The following LPIN1 variants were observed in gnomAD, a reference collection of about 807,000 sequenced individuals.
LPIN1 encodes phosphatidate phosphatase LPIN1.
A neutral mutation model predicts 107.5 loss-of-function variants in LPIN1; 71 were observed. That is an observed-to-expected ratio of 0.66 (90% confidence interval 0.55 to 0.80). The LOEUF (loss-of-function observed/expected upper bound fraction) is 0.80. Ranked by LOEUF, LPIN1 falls within the 30% of genes least tolerant of loss-of-function variation. The pLI is 0.00. For synonymous variants in LPIN1, 445 were observed against 452.6 expected, an observed-to-expected ratio of 0.98 and a Z score of 0.21; for missense variants, 1,043 against 1,160.6, an observed-to-expected ratio of 0.90 and a Z score of 1.47.
chr2:11,747,847 G>A (rs573091332), intron 1 of LPIN1, among the ~76,000 whole-genome samples: 8 of 152,334 alleles, frequency 5.3e-5, no homozygotes, highest in Middle Eastern at 3.4e-3. Flanking sequence ...TTTTGTGCAT[G>A]GGTTGTGTGT....
intron 18 of LPIN1, among the ~76,000 whole-genome samples, chr2:11,815,643 G>A (rs556933601): frequency 3.9e-4 from 60 of 152,074 alleles, no homozygotes; most frequent in African/African-American, 1.4e-3. Context: ...AATGTCCGTT[G>A]GACAATGAGC....
upstream of LPIN1, among the ~76,000 whole-genome samples, chr2:11,744,837 C>G (rs562310198): frequency 6.6e-6 from 1 of 152,302 alleles, no homozygotes; most frequent in Non-Finnish European, 1.5e-5. Flanking sequence ...AAACTCTGGT[C>G]TCTGAGAAAA....
chr2:11,811,154 C>T (rs925602959), intron 17 of LPIN1, among the ~76,000 whole-genome samples: 4 of 152,176 alleles, frequency 2.6e-5, no homozygotes, highest in South Asian at 2.1e-4. Flanking sequence ...ATGCCCTGTG[C>T]GTACCCCAAG....
At chr2:11,700,040 T>C (rs181287456) in intron 1 of LPIN1, among the ~76,000 whole-genome samples, 1 of 152,332 alleles carries the variant, frequency 6.6e-6, no homozygotes, top group Admixed American at 6.5e-5. Context: ...GGTGTGTCTT[T>C]CTTTGATTGT....
upstream of LPIN1, chr2:11,722,072 T>G (rs931882467): frequency 2.0e-5 from 3 of 152,254 alleles, no homozygotes; most frequent in African/African-American, 7.2e-5. Flanking sequence ...TTTCATTGAT[T>G]TATGGCTGGA....
chr2:11,779,692 G>A (rs998967406), intron 7 of LPIN1, 47 bp downstream of exon 7: 2 of 1,611,350 alleles, frequency 1.2e-6, no homozygotes, highest in Non-Finnish European at 1.7e-6. Context: ...TTCTAACTCA[G>A]CTTAAATTAC....
chr2:11,783,790 GAA>G (rs780304190), intron 8 of LPIN1, 37 bp from the exon 9 acceptor site: 1 of 1,530,194 alleles, frequency 6.5e-7, no homozygotes, highest in Non-Finnish European at 9.1e-7. Flanking sequence ...CTCATTTCTA[GAA>G]GAGTGGTTTT....
intron 1 of LPIN1, among the ~76,000 whole-genome samples, chr2:11,728,511 A>G (rs1351104370): frequency 6.6e-6 from 1 of 152,028 alleles, no homozygotes; most frequent in East Asian, 1.9e-4. Flanking sequence ...CAGCCTCCCA[A>G]GTAGCTGGGA....
chr2:11,791,871 C>A (rs765668263), intron 12 of LPIN1, 43 bp from the exon 13 acceptor site: 1 of 1,605,364 alleles, frequency 6.2e-7, no homozygotes, highest in South Asian at 1.1e-5. Context: ...CTAAGTTGAT[C>A]TTTTTTTGTT....
chr2:11,805,545 A>G, intron 17 of LPIN1: 1 of 332,030 alleles, frequency 3.0e-6, no homozygotes, highest in Non-Finnish European at 5.8e-6. Context: ...TGCAGATTCC[A>G]GGCAAGTTTT....
chr2:11,744,318 G>A (rs1214394326), upstream of LPIN1, among the ~76,000 whole-genome samples: 1 of 152,234 alleles, frequency 6.6e-6, no homozygotes, highest in Non-Finnish European at 1.5e-5. Flanking sequence ...CCCTCCCAGG[G>A]GGACTCCAGC....
chr2:11,787,636 AC>A (rs974616504), intron 11 of LPIN1, among the ~76,000 whole-genome samples: 2 of 151,032 alleles, frequency 1.3e-5, no homozygotes, highest in Admixed American at 6.6e-5. Context: ...CTACATCTCT[AC>A]CCTTTTGAAA....
At chr2:11,708,253 A>G (rs896687189) in intron 1 of LPIN1, among the ~76,000 whole-genome samples, 7 of 152,176 alleles carry the variant, frequency 4.6e-5, no homozygotes, top group African/African-American at 1.7e-4. Context: ...TGCCTACTGC[A>G]CTGTGGCCTT....
intron 1 of LPIN1, among the ~76,000 whole-genome samples, chr2:11,681,673 C>T (rs1661722590): frequency 1.3e-5 from 2 of 152,192 alleles, no homozygotes; most frequent in South Asian, 2.1e-4. Context: ...CCGTGCTGCC[C>T]CTGGGACGTG....
At chr2:11,821,788 C>T (rs1016893524) in intron 20 of LPIN1, among the ~76,000 whole-genome samples, 3 of 152,190 alleles carry the variant, frequency 2.0e-5, no homozygotes, top group Non-Finnish European at 4.4e-5. Flanking sequence ...CACAAGACTC[C>T]TCTCACCCTG....
chr2:11,773,547 G>A, intron 4 of LPIN1, 73 bp from the exon 5 acceptor site: 2 of 1,384,844 alleles, frequency 1.4e-6, no homozygotes, highest in Non-Finnish European at 2.0e-6. Flanking sequence ...AGCTAATCAA[G>A]AAAAAATTGG....
rs780273443 is a variant in LPIN1, at chr2:11,820,514, C to T, written c.2621C>T (p.Ser874Leu). The T allele has an allele frequency of 1.7e-5, 27 of 1,597,100 alleles. No homozygotes were observed. Among genetic ancestry groups the T allele is most frequent in the African/African-American group, 2.7e-5 (2 of 74,512 alleles). ...GAACATGCAAAGACCAACATCTCTTCGTGAGTATTGTACACATTTTATGTG... is the reference window on the plus strand; with the variant it reads ...GAACATGCAAAGACCAACATCTCTTTGTGAGTATTGTACACATTTTATGTG... ...VQEHAKTNIS[S>L]YVRLCEVVDH... The change falls in exon 20 of 21, where the codon TCG becomes TTG. Residue 874 changes from serine (S) to leucine (L), a missense_variant and splice_region_variant. By Grantham distance (145) the Ser-to-Leu change is moderately radical (BLOSUM62 -2). Transcript: ENST00000674199.
chr2:11,802,514 T>A (rs575861361), intron 14 of LPIN1, among the ~76,000 whole-genome samples: 2 of 152,236 alleles, frequency 1.3e-5, no homozygotes, highest in East Asian at 3.9e-4. Context: ...TGGATGAGTG[T>A]GGACTTGTAG....
chr2:11,721,397 G>T (rs1047709124), upstream of LPIN1, among the ~76,000 whole-genome samples: 1 of 151,616 alleles, frequency 6.6e-6, no homozygotes, highest in Non-Finnish European at 1.5e-5. Context: ...GTGTCCTGGT[G>T]GTCCTCTGTT....
Sources: allele counts gnomAD v4.1 joint callset (sites outside exome capture counted in the v4.1 genomes callset), GRCh38; gene constraint gnomAD v4.1.1; transcripts MANE v1.5; gene names NCBI Gene and HGNC (gene_info 2026-07-23, HGNC 2026-07-21).